The following MACROD2 variants were observed in gnomAD, a reference collection of about 807,000 sequenced individuals.
MACROD2 encodes mono-ADP ribosylhydrolase 2, also known as ADP-ribose glycohydrolase MACROD2.
Under a neutral mutation model 70.4 loss-of-function variants are expected in MACROD2, and 36 were observed. That is an observed-to-expected ratio of 0.51 (90% CI 0.39 to 0.68). MACROD2 has a LOEUF of 0.68. MACROD2 is among the 30% of genes least tolerant of loss of function. MACROD2 has a pLI of 0.00. For missense variants in MACROD2, 496 were observed against 538.4 expected (o/e 0.92, Z 0.78); for synonymous variants, 172 against 178.8 (o/e 0.96, Z 0.30).
intron 8 of MACROD2, among the ~76,000 whole-genome samples, chr20:15,600,940 G>A (rs1225986621): frequency 2.0e-5 from 3 of 152,104 alleles, no homozygotes; most frequent in African/African-American, 7.2e-5. Context: ...ATATCCTTCT[G>A]GTAATGAATT....
At chr20:14,593,498 G>A (rs1981917296) in intron 4 of MACROD2, among the ~76,000 whole-genome samples, 1 of 152,088 alleles carries the variant, frequency 6.6e-6, no homozygotes, top group Non-Finnish European at 1.5e-5. Context: ...CTTTGGGAAA[G>A]CTAAGAATAA....
intron 10 of MACROD2, among the ~76,000 whole-genome samples, chr20:15,932,270 G>A (rs1231173325): frequency 6.6e-6 from 1 of 152,140 alleles, no homozygotes; most frequent in East Asian, 1.9e-4. Context: ...ACAGCATGGG[G>A]ATTGGCTTCC....
chr20:14,569,860 C>T (rs1980068331), intron 4 of MACROD2, among the ~76,000 whole-genome samples: 1 of 151,378 alleles, frequency 6.6e-6, no homozygotes, highest in Non-Finnish European at 1.5e-5. Context: ...GTGCAAACCA[C>T]AAAGAATAGT....
chr20:15,978,606 CTCTCT>C (rs2066348015), intron 13 of MACROD2, among the ~76,000 whole-genome samples: 2 of 152,040 alleles, frequency 1.3e-5, no homozygotes, highest in South Asian at 4.2e-4. Context: ...CTCTCTCTCT[CTCTCT>C]CTCTCGTTCT....
At position 14,780,562 on chromosome 20, in the gene MACROD2, CA is replaced by C. The variant is rs763622429; in HGVS notation, c.418+95620del. Among the ~76,000 whole-genome samples the C allele has an allele frequency of 3.5e-3, 432 of 124,282 alleles. 3 individuals are homozygous for C. The highest frequency in any genetic ancestry group is 0.011 in the African/African-American group (356 of 32,898). 81.5% of individuals were successfully genotyped at this position (124,282 alleles called of 152,430 possible). A position where few individuals can be genotyped will look rare whatever the true frequency, so the allele number is the denominator to read the frequency against. ...GGGCAACAAGAGTGAAACTCCGTCT[CA>C]AAAAAAAAAAAAAAAAGTGAAAACT... On this transcript the variant is annotated intron_variant, in intron 5 of 17. Coordinates refer to ENST00000684519, the MANE Select transcript of MACROD2 (RefSeq NM_001351661.2).
chr20:15,857,227 G>A (rs1405908261), intron 8 of MACROD2, among the ~76,000 whole-genome samples: 1 of 152,190 alleles, frequency 6.6e-6, no homozygotes, highest in Non-Finnish European at 1.5e-5. Flanking sequence ...TGGTGAAGAT[G>A]TCTATGGAAG....
At chr20:14,268,638 A>G (rs1006353871) in intron 3 of MACROD2, among the ~76,000 whole-genome samples, 3 of 152,188 alleles carry the variant, frequency 2.0e-5, no homozygotes, top group Non-Finnish European at 4.4e-5. Flanking sequence ...TTAGAATCTT[A>G]CGACCAAAAG....
At chr20:14,690,994 T>C (rs942964822) in intron 5 of MACROD2, among the ~76,000 whole-genome samples, 1 of 152,218 alleles carries the variant, frequency 6.6e-6, no homozygotes, top group African/African-American at 2.4e-5. Flanking sequence ...CTTGGCTCAC[T>C]GCAACCTCCG....
At chr20:14,613,874 A>G (rs898436352) in intron 4 of MACROD2, among the ~76,000 whole-genome samples, 1 of 152,112 alleles carries the variant, frequency 6.6e-6, no homozygotes, top group African/African-American at 2.4e-5. Flanking sequence ...TTTTTACCTC[A>G]TCTGCCTATG....
At chr20:14,997,201 G>A (rs774561318) in intron 5 of MACROD2, among the ~76,000 whole-genome samples, 1 of 152,166 alleles carries the variant, frequency 6.6e-6, no homozygotes, top group Admixed American at 6.5e-5. Flanking sequence ...GTTTTACAAC[G>A]TGGATACCAG....
chr20:14,528,347 T>C (rs964437571), intron 4 of MACROD2, among the ~76,000 whole-genome samples: 15 of 148,114 alleles, frequency 1.0e-4, no homozygotes, highest in Admixed American at 2.0e-4. Flanking sequence ...GTAGAGATGG[T>C]TTCTCCATGT....
At chr20:15,365,096 C>T (rs1462159476) in intron 6 of MACROD2, among the ~76,000 whole-genome samples, 2 of 151,938 alleles carry the variant, frequency 1.3e-5, no homozygotes, top group Non-Finnish European at 1.5e-5. Flanking sequence ...TTTAGGTCAA[C>T]TTTATAATTG....
At position 15,406,295 on chromosome 20, in the gene MACROD2, T is replaced by G. The variant is rs1024173330; in HGVS notation, c.541-25110T>G. On this transcript the variant is annotated intron_variant, in intron 6 of 17. Coordinates refer to ENST00000684519, the MANE Select transcript of MACROD2 (RefSeq NM_001351661.2). ...TATTTTATTGGGCTGTTAGGTCATGTCCAGTTTGCTCACTCGAATACTTCA... is the reference window on the plus strand; with the variant it reads ...TATTTTATTGGGCTGTTAGGTCATGGCCAGTTTGCTCACTCGAATACTTCA... Among the ~76,000 whole-genome samples the G allele has an allele frequency of 3.3e-5, 5 of 152,188 alleles. No homozygotes were observed. The East Asian group carries it at 9.6e-4, about 29-fold the overall frequency.
chr20:15,493,300 T>A (rs2047254745), intron 7 of MACROD2, among the ~76,000 whole-genome samples: 1 of 152,140 alleles, frequency 6.6e-6, no homozygotes, highest in African/African-American at 2.4e-5. Flanking sequence ...GGGGTTAAGG[T>A]TTTAAAGCCT....
At chr20:15,470,658 A>G (rs1243307480) in intron 7 of MACROD2, among the ~76,000 whole-genome samples, 1 of 151,862 alleles carries the variant, frequency 6.6e-6, no homozygotes, top group Non-Finnish European at 1.5e-5. Flanking sequence ...CACTGCCTCC[A>G]TCTGTGGTGG....
chr20:14,735,761 G>A (rs1260631520), intron 5 of MACROD2, among the ~76,000 whole-genome samples: 2 of 151,988 alleles, frequency 1.3e-5, no homozygotes, highest in Non-Finnish European at 2.9e-5. Flanking sequence ...GAGGTGGAAG[G>A]ATCACCTGAT....
At chr20:14,702,496 T>C (rs1378536703) in intron 5 of MACROD2, among the ~76,000 whole-genome samples, 2 of 149,870 alleles carry the variant, frequency 1.3e-5, no homozygotes, top group Non-Finnish European at 3.0e-5. Flanking sequence ...GGCCTCATGG[T>C]GTATGGGCTG....
At chr20:14,370,702 C>T (rs1018677005) in intron 3 of MACROD2, among the ~76,000 whole-genome samples, 6 of 152,144 alleles carry the variant, frequency 3.9e-5, no homozygotes, top group African/African-American at 1.4e-4. Context: ...GGCTCCAATC[C>T]ATTGGTGTCA....
chr20:15,825,650 C>T (rs73898515), intron 8 of MACROD2, among the ~76,000 whole-genome samples: 6,895 of 152,026 alleles, frequency 0.045, 275 homozygotes, highest in Middle Eastern at 0.12. Context: ...CAAGTTGTTC[C>T]CAGCAATAGA....
Sources: gnomAD v4.1 joint callset for allele counts (sites outside exome capture counted in the v4.1 genomes callset) on GRCh38, gnomAD v4.1.1 for gene constraint, MANE v1.5 for transcripts, NCBI Gene and HGNC (gene_info 2026-07-23, HGNC 2026-07-21) for gene names.